NRXN3: variants seen among roughly 807,000 people sequenced by gnomAD.
NRXN3 encodes neurexin III.
In NRXN3, 32 loss-of-function variants were observed where a neutral mutation model predicts 137.6. The observed-to-expected ratio is 0.23, with a 90% confidence interval of 0.18 to 0.31. The LOEUF (loss-of-function observed/expected upper bound fraction) is 0.31, where lower values mean the gene tolerates loss of function less well. Ranked by LOEUF, NRXN3 falls within the 10% of genes least tolerant of loss-of-function variation. The pLI is 1.00. For synonymous variants in NRXN3, 798 were observed against 784.5 expected, an observed-to-expected ratio of 1.02 and a Z score of -0.29; for missense variants, 1,574 against 2,062.5, an observed-to-expected ratio of 0.76 and a Z score of 4.59.
intron 15 of NRXN3, among the ~76,000 whole-genome samples, chr14:79,020,166 T>C (rs7146700): frequency 0.061 from 265 of 4,328 alleles, no homozygotes; most frequent in East Asian, 0.13. Flanking sequence ...TCCCTTCCCT[T>C]CCCTTCCCTT....
chr14:79,280,156 G>A, intron 15 of NRXN3: 11 of 1,498,756 alleles, frequency 7.3e-6, no homozygotes, highest in Non-Finnish European at 9.7e-6. Flanking sequence ...TTTGGAAAGC[G>A]CATATTGCTT....
At chr14:79,132,230 A>G (rs1184705900) in intron 15 of NRXN3, among the ~76,000 whole-genome samples, 1 of 152,246 alleles carries the variant, frequency 6.6e-6, no homozygotes, top group African/African-American at 2.4e-5. Flanking sequence ...AAAAATTGAT[A>G]TTCAATTCAG....
intron 15 of NRXN3, among the ~76,000 whole-genome samples, chr14:79,160,791 G>T (rs1382345060): frequency 6.6e-6 from 1 of 151,952 alleles, no homozygotes; most frequent in African/African-American, 2.4e-5. Context: ...GATGGCACAT[G>T]GTGGTAGGCT....
Position 78,645,399 on chromosome 14 carries a change from A to T in NRXN3, c.1037A>T (p.Lys346Ile). 1 of 1,591,198 alleles carries T rather than the reference A, an allele frequency of 6.3e-7. No individual in the cohort carries two copies. Reference protein sequence around the residue: ...KFNDNAWHDVKVTRNLRQVTI... With the variant: ...KFNDNAWHDVIVTRNLRQVTI... ...AACGACAACGCCTGGCATGATGTCA[A>T]AGTGACACGCAACCTCCGGCAGGTA... The change falls in exon 5 of 21, where the codon AAA (lysine) becomes ATA (isoleucine). Residue 346 changes from lysine (K) to isoleucine (I), a missense_variant. Transcript: ENST00000335750.
At position 79,331,840 on chromosome 14, in the gene NRXN3, C is replaced by CTGTGTGTGTGTGTG. The variant is rs58746209; in HGVS notation, c.3263-135362_3263-135349dup. ...TTTAAAGTTTTAATTAAGGCTTTTG[C>CTGTGTGTGTGTGTG]TGTGTGTGTGTGTGTGTGTGTGTGT... is the stretch of plus-strand genomic sequence containing the variant. On this transcript the variant is annotated intron_variant, in intron 15 of 20. Coordinates refer to ENST00000335750, the MANE Select transcript of NRXN3 (RefSeq NM_001330195.2). Among the ~76,000 whole-genome samples the CTGTGTGTGTGTGTG allele has an allele frequency of 1.9e-4, 29 of 148,830 alleles. No homozygotes were observed. In the South Asian group the frequency reaches 2.3e-3, roughly 12 times the overall value.
chr14:79,727,509 A>G (rs1403613727), intron 19 of NRXN3, among the ~76,000 whole-genome samples: 4 of 152,168 alleles, frequency 2.6e-5, no homozygotes, highest in South Asian at 4.1e-4. Flanking sequence ...GAGAGTTTGC[A>G]TGCCTGGCCC....
intron 4 of NRXN3, among the ~76,000 whole-genome samples, chr14:78,385,886 C>T (rs1469989027): frequency 1.3e-5 from 2 of 152,094 alleles, no homozygotes; most frequent in Non-Finnish European, 1.5e-5. Context: ...CAAGACTGAA[C>T]CTTTAGGACT....
intron 15 of NRXN3, among the ~76,000 whole-genome samples, chr14:79,003,957 A>G: frequency 6.6e-6 from 1 of 152,208 alleles, no homozygotes; most frequent in Admixed American, 6.5e-5. Context: ...ATTGCTTGAC[A>G]TGCCAGAAGG....
chr14:79,496,691 A>C lies in NRXN3; in HGVS notation c.3444+29289A>C, dbSNP rs145126503. 3.4e-3 allele frequency among the ~76,000 whole-genome samples: 513 copies of C among 152,290 alleles called. 4 individuals are homozygous for C. The highest frequency in any genetic ancestry group is 0.012 in the African/African-American group (490 of 41,562). ...AATGTTGATTTTGGAGCGAGTTAAAATTAGAGGTAAAACTGTGATAGTAAG... is the reference window on the plus strand; with the variant it reads ...AATGTTGATTTTGGAGCGAGTTAAACTTAGAGGTAAAACTGTGATAGTAAG... On this transcript the variant is annotated intron_variant, in intron 16 of 20. Coordinates refer to ENST00000335750, the MANE Select transcript of NRXN3 (RefSeq NM_001330195.2).
In NRXN3 at chr14:79,049,889, A is replaced by G. The variant is rs529956149; in HGVS notation, c.3262+61748A>G. Among the ~76,000 whole-genome samples, 3 of 152,064 alleles carry G rather than the reference A, an allele frequency of 2.0e-5. No homozygotes were observed. The South Asian group carries it at 6.2e-4, about 32-fold the overall frequency. ...ATATATATTTAAATATTATAATAAA[A>G]CTAATTTTGAATTATTCTTGATTCT... On this transcript the variant is annotated intron_variant, in intron 15 of 20. Coordinates refer to ENST00000335750, the MANE Select transcript of NRXN3 (RefSeq NM_001330195.2).
Position 79,863,465 on chromosome 14 carries a change from TGAA to T in NRXN3, c.*1505_*1507del, listed in dbSNP as rs989113856. 2.0e-5 allele frequency: 3 copies of T among 152,392 alleles called. No homozygotes were observed. Among genetic ancestry groups the T allele is most frequent in the South Asian group, 2.1e-4 (1 of 4,814 alleles). The allele number at this position is 152,392 out of a possible 1,614,324, so 9.4% of individuals were successfully genotyped here. A position where few individuals can be genotyped will look rare whatever the true frequency, so the allele number is the denominator to read the frequency against. ...CAACAAAAAAGCAAACCTTAAAATG[TGAA>T]GAAAGTGTGAATTTTAGTTTTGTCA... On this transcript the variant is annotated 3_prime_UTR_variant, in exon 21 of 21. Coordinates refer to ENST00000335750, the MANE Select transcript of NRXN3 (RefSeq NM_001330195.2).
At chr14:79,529,299 G>A (rs149801160) in intron 16 of NRXN3, among the ~76,000 whole-genome samples, 1 of 152,290 alleles carries the variant, frequency 6.6e-6, no homozygotes, top group East Asian at 1.9e-4. Context: ...GTTTCAAAAT[G>A]TTCTTCTATA....
chr14:78,858,258 A>G (rs2099062937), intron 10 of NRXN3, among the ~76,000 whole-genome samples: 2 of 152,094 alleles, frequency 1.3e-5, no homozygotes, highest in East Asian at 1.9e-4. Flanking sequence ...CAGCCCTGAC[A>G]CCTGTCTGGG....
At chr14:78,335,479 G>A (rs2081353843) in intron 4 of NRXN3, among the ~76,000 whole-genome samples, 1 of 152,206 alleles carries the variant, frequency 6.6e-6, no homozygotes, top group East Asian at 1.9e-4. Context: ...CCCTATCTTG[G>A]TGCCTTGCAC....
At chr14:78,542,572 C>T (rs991311733) in intron 4 of NRXN3, among the ~76,000 whole-genome samples, 3 of 152,182 alleles carry the variant, frequency 2.0e-5, no homozygotes, top group Non-Finnish European at 2.9e-5. Flanking sequence ...GGGAGTGTCC[C>T]GTTTTTTCCA....
intron 16 of NRXN3, among the ~76,000 whole-genome samples, chr14:79,651,055 C>T (rs758194386): frequency 5.3e-5 from 8 of 152,306 alleles, no homozygotes; most frequent in South Asian, 2.1e-4. Context: ...ATGGGAATCA[C>T]GTGGTTCAAT....
chr14:79,664,094 C>T, intron 17 of NRXN3, 145 bp downstream of exon 17: 1 of 853,666 alleles, frequency 1.2e-6, no homozygotes, highest in Non-Finnish European at 1.8e-6. Context: ...GAAGATAAGT[C>T]ATCTCTTTAG....
intron 19 of NRXN3, among the ~76,000 whole-genome samples, chr14:79,778,201 G>A (rs2099103348): frequency 6.6e-6 from 1 of 152,212 alleles, no homozygotes; most frequent in Non-Finnish European, 1.5e-5. Flanking sequence ...TGGATCACGA[G>A]GTCAGGAGTT....
chr14:78,668,496 A>G (rs964034993), intron 6 of NRXN3, among the ~76,000 whole-genome samples: 1 of 152,136 alleles, frequency 6.6e-6, no homozygotes, highest in Non-Finnish European at 1.5e-5. Flanking sequence ...TAGTTGTTGA[A>G]ACTAGGGTGG....
Sources: allele counts gnomAD v4.1 joint callset (sites outside exome capture counted in the v4.1 genomes callset), GRCh38; gene constraint gnomAD v4.1.1; transcripts MANE v1.5; gene names NCBI Gene and HGNC (gene_info 2026-07-23, HGNC 2026-07-21).